Variants in NCOA6 observed in about 807,000 individuals in gnomAD.
NCOA6 encodes the protein NRC RAP250.
A neutral mutation model predicts 171.4 loss-of-function variants in NCOA6; 49 were observed. The observed-to-expected ratio is 0.29, with a 90% CI of 0.23 to 0.36. The LOEUF (loss-of-function observed/expected upper bound fraction) is 0.36. NCOA6 is among the 10% of genes least tolerant of loss of function. The pLI, the probability that NCOA6 is intolerant of heterozygous loss-of-function variation, is 1.00. For missense variants in NCOA6, 2,248 were observed against 2,554.5 expected (o/e 0.88, Z 2.59); for synonymous variants, 910 against 927.5 (o/e 0.98, Z 0.34).
intron 11 of NCOA6, among the ~76,000 whole-genome samples, chr20:34,737,977 C>T (rs1395107748): frequency 6.6e-6 from 1 of 152,216 alleles, no homozygotes; most frequent in Non-Finnish European, 1.5e-5. Flanking sequence ...CGGTTCACCA[C>T]AACCTCCGCC....
At chr20:34,750,771 A>C (rs1200856499) in intron 8 of NCOA6, among the ~76,000 whole-genome samples, 1 of 152,210 alleles carries the variant, frequency 6.6e-6, no homozygotes, top group Non-Finnish European at 1.5e-5. Context: ...ATGGTATCTT[A>C]AAGATTTAAC....
At chr20:34,745,006 C>T (rs2076261251) in intron 10 of NCOA6, among the ~76,000 whole-genome samples, 1 of 152,122 alleles carries the variant, frequency 6.6e-6, no homozygotes, top group African/African-American at 2.4e-5. Flanking sequence ...GGCAGCAGTC[C>T]AAAAGGCACT....
intron 4 of NCOA6, among the ~76,000 whole-genome samples, chr20:34,772,522 T>G (rs1261788681): frequency 6.6e-6 from 1 of 152,118 alleles, no homozygotes; most frequent in Non-Finnish European, 1.5e-5. Context: ...TTATCAAATC[T>G]CATACTGACA....
chr20:34,801,090 C>CT (rs1242282189), intron 1 of NCOA6, among the ~76,000 whole-genome samples: 2 of 152,058 alleles, frequency 1.3e-5, no homozygotes. Context: ...AAATTAAACA[C>CT]TATGCTCCTC....
intron 1 of NCOA6, among the ~76,000 whole-genome samples, chr20:34,794,019 A>G (rs183285283): frequency 6.6e-4 from 100 of 152,358 alleles, no homozygotes; most frequent in African/African-American, 2.0e-3. Context: ...AACTCCAAAA[A>G]TTTGATAATT....
At chr20:34,792,397 A>AT in intron 2 of NCOA6, 53 bp downstream of exon 2, 1 of 391,056 alleles carries the variant, frequency 2.6e-6, no homozygotes, top group Non-Finnish European at 4.5e-6. Flanking sequence ...AAAAAAAAAA[A>AT]GAATAAGCAT....
At position 34,780,236 on chromosome 20, in the gene NCOA6, A is replaced by G. The variant is rs916268086; in HGVS notation, c.235+1885T>C. 5.9e-5 allele frequency among the ~76,000 whole-genome samples: 9 copies of G among 152,364 alleles called. No homozygotes were observed. The East Asian group carries it at 1.5e-3, about 26-fold the overall frequency. On this transcript the variant is annotated intron_variant, in intron 3 of 14. Transcript: ENST00000359003. Reference sequence around the variant, plus strand: ...TATGCTTGCAGAAAAATCCATATTCATAACAGTTATATCTTATCAAAATCT... The same window carrying G: ...TATGCTTGCAGAAAAATCCATATTCGTAACAGTTATATCTTATCAAAATCT...
In NCOA6 at chr20:34,715,226, A is replaced by C; in HGVS notation, c.*96T>G. 1.3e-6 allele frequency: 2 copies of C among 1,495,836 alleles called. No individual in the cohort carries two copies. Among genetic ancestry groups the C allele is most frequent in the Non-Finnish European group, 1.9e-6 (2 of 1,077,462 alleles). The allele number at this position is 1,495,836 out of a possible 1,614,324, so 92.7% of individuals were successfully genotyped here. A position where few individuals can be genotyped will look rare whatever the true frequency, so the allele number is the denominator to read the frequency against. ...AAAGGGCCACATTATTAAAATTACT[A>C]ACTGTACAGAAATTGATTTAAAAAA... On this transcript the variant is annotated 3_prime_UTR_variant, in exon 15 of 15. Coordinates refer to ENST00000359003, the MANE Select transcript of NCOA6 (RefSeq NM_014071.5).
chr20:34,734,717 T>C (rs1046536969), intron 12 of NCOA6, among the ~76,000 whole-genome samples: 7 of 151,446 alleles, frequency 4.6e-5, no homozygotes, highest in African/African-American at 7.3e-5. Flanking sequence ...AATGGCGCAA[T>C]CTCCGGCTCA....
intron 6 of NCOA6, 134 bp from the exon 7 acceptor site, chr20:34,758,238 C>G: frequency 8.3e-7 from 1 of 1,205,358 alleles, no homozygotes; most frequent in Non-Finnish European, 1.1e-6. Context: ...TTGTGAATAC[C>G]TTCTATGTAT....
intron 10 of NCOA6, among the ~76,000 whole-genome samples, chr20:34,743,994 G>A (rs2076229959): frequency 6.6e-6 from 1 of 152,152 alleles, no homozygotes; most frequent in South Asian, 2.1e-4. Context: ...GGGGGAAACC[G>A]ACTGAATTAA....
Position 34,742,935 on chromosome 20 carries a change from G to C in NCOA6, c.3321C>G (p.Ser1107Arg), listed in dbSNP as rs1016516769. The C allele has an allele frequency of 2.5e-6, 4 of 1,614,142 alleles. No individual in the cohort carries two copies. Among genetic ancestry groups the C allele is most frequent in the Non-Finnish European group, 3.4e-6 (4 of 1,180,022 alleles). The change falls in exon 11 of 15, where the codon AGC becomes AGG. Residue 1107 changes from serine (S) to arginine (R), a missense_variant. Transcript: ENST00000359003. Reference sequence around the variant, plus strand: ...CCTGATAGACCATTTTCCTTGAATTGCTTCCCAAGGGAGTATTCACAGGCA... The same window carrying C: ...CCTGATAGACCATTTTCCTTGAATTCCTTCCCAAGGGAGTATTCACAGGCA... ...MPMPVNTPLGSNSRKMVYQES... is the reference protein window; with the variant it reads ...MPMPVNTPLGRNSRKMVYQES...
At chr20:34,766,353 A>G (rs1229642399) in intron 5 of NCOA6, among the ~76,000 whole-genome samples, 1 of 152,128 alleles carries the variant, frequency 6.6e-6, no homozygotes, top group Non-Finnish European at 1.5e-5. Context: ...GGCTCAGTTC[A>G]TGCCTGTAAT....
At position 34,776,297 on chromosome 20, in the gene NCOA6, A is replaced by G. The variant is rs1415970776; in HGVS notation, c.387T>C (p.Ile129=). ...GCACATGGCAAAGTAAAAGACCTTC[A>G]ATCTGAACGGAGAGAATCCCTAAAT... ...LRDLGILSVQ[I]EGEGAINLAL... Residue 129 remains isoleucine, a synonymous_variant, in exon 4 of 15, where the codon ATT becomes ATC. Coordinates refer to ENST00000359003, the MANE Select transcript of NCOA6 (RefSeq NM_014071.5). 6.2e-7 allele frequency: 1 copy of G among 1,613,548 alleles called. No homozygotes were observed. The highest frequency in any genetic ancestry group is 8.5e-7 in the Non-Finnish European group (1 of 1,179,926).
At chr20:34,816,804 AAAACAAACAAAC>A (rs374889680) in intron 1 of NCOA6, among the ~76,000 whole-genome samples, 1 of 151,152 alleles carries the variant, frequency 6.6e-6, no homozygotes, top group African/African-American at 2.4e-5. Context: ...GCTGTCTCCA[AAAACAAACAAAC>A]AAACAAACAA....
chr20:34,763,298 A>G (rs2076872830), intron 5 of NCOA6, among the ~76,000 whole-genome samples: 1 of 151,866 alleles, frequency 6.6e-6, no homozygotes, highest in Non-Finnish European at 1.5e-5. Flanking sequence ...TCATATTTCC[A>G]TCTCTTTTTC....
chr20:34,794,379 T>C (rs2077994125), intron 1 of NCOA6, among the ~76,000 whole-genome samples: 1 of 152,210 alleles, frequency 6.6e-6, no homozygotes, highest in African/African-American at 2.4e-5. Context: ...CTTATCATCA[T>C]ATAAGATGAC....
intron 1 of NCOA6, among the ~76,000 whole-genome samples, chr20:34,804,118 C>A (rs191724201): frequency 3.3e-5 from 5 of 152,106 alleles, no homozygotes; most frequent in Admixed American, 2.0e-4. Context: ...AGGCAGATCA[C>A]CTGAGGTCGG....
At chr20:34,786,887 G>C (rs544579062) in intron 2 of NCOA6, among the ~76,000 whole-genome samples, 1 of 151,984 alleles carries the variant, frequency 6.6e-6, no homozygotes, top group Non-Finnish European at 1.5e-5. Flanking sequence ...AGAAAATCTA[G>C]GCAATACCAT....
Sources: gnomAD v4.1 joint callset for allele counts (sites outside exome capture counted in the v4.1 genomes callset) on GRCh38, gnomAD v4.1.1 for gene constraint, MANE v1.5 for transcripts, NCBI Gene and HGNC (gene_info 2026-07-23, HGNC 2026-07-21) for gene names.